NPAS3: variants seen among roughly 807,000 people sequenced by gnomAD.
NPAS3 encodes neuronal PAS domain protein 3.
Under a neutral mutation model 73.1 loss-of-function variants are expected in NPAS3, and 14 were observed. That is an observed-to-expected ratio of 0.19 (90% CI 0.13 to 0.30). NPAS3 has a LOEUF of 0.30. Among genes scored for constraint, NPAS3 ranks in the 10% least tolerant of loss-of-function variants. The pLI is 1.00. For synonymous variants in NPAS3, 620 were observed against 541.5 expected, an observed-to-expected ratio of 1.14 and a Z score of -2.01; for missense variants, 1,096 against 1,250.0, an observed-to-expected ratio of 0.88 and a Z score of 1.86.
intron 1 of NPAS3, among the ~76,000 whole-genome samples, chr14:33,046,728 C>T (rs147158679): frequency 6.6e-6 from 1 of 152,322 alleles, no homozygotes. Flanking sequence ...GTAATACCAA[C>T]ACTTTGAGAG....
At chr14:33,111,281 C>T (rs1306026368) in intron 2 of NPAS3, among the ~76,000 whole-genome samples, 3 of 152,144 alleles carry the variant, frequency 2.0e-5, no homozygotes, top group African/African-American at 4.8e-5. Context: ...CTCACTGGGC[C>T]CAGAGGCAGT....
At chr14:33,735,552 C>A (rs2061502475) in intron 7 of NPAS3, among the ~76,000 whole-genome samples, 1 of 152,222 alleles carries the variant, frequency 6.6e-6, no homozygotes, top group African/African-American at 2.4e-5. Flanking sequence ...AATATAGTGT[C>A]TTTTCTTAAC....
intron 2 of NPAS3, among the ~76,000 whole-genome samples, chr14:33,064,831 T>C (rs1414939453): frequency 6.6e-6 from 1 of 152,196 alleles, no homozygotes; most frequent in Non-Finnish European, 1.5e-5. Flanking sequence ...TGAATAACAC[T>C]TTTTATAGAT....
intron 4 of NPAS3, among the ~76,000 whole-genome samples, chr14:33,481,230 G>A (rs572247508): frequency 6.6e-6 from 1 of 152,214 alleles, no homozygotes; most frequent in South Asian, 2.1e-4. Flanking sequence ...TGAATTATAA[G>A]GGGTAACATC....
At chr14:32,973,600 A>G (rs2037530015) in intron 1 of NPAS3, among the ~76,000 whole-genome samples, 1 of 142,492 alleles carries the variant, frequency 7.0e-6, no homozygotes, top group Non-Finnish European at 1.5e-5. Context: ...CAATGATGCT[A>G]TCTTGGCTCA....
intron 3 of NPAS3, among the ~76,000 whole-genome samples, chr14:33,293,731 A>C (rs1050184969): frequency 6.6e-6 from 1 of 152,226 alleles, no homozygotes; most frequent in Non-Finnish European, 1.5e-5. Context: ...ACAAAATTCC[A>C]AAAACTACAG....
intron 4 of NPAS3, among the ~76,000 whole-genome samples, chr14:33,449,499 G>T (rs1488592928): frequency 6.6e-6 from 1 of 151,914 alleles, no homozygotes; most frequent in South Asian, 2.1e-4. Context: ...TACAGAAAGC[G>T]TTTTTTTGAC....
chr14:33,221,252 G>T (rs954967466), intron 3 of NPAS3, among the ~76,000 whole-genome samples: 1 of 152,156 alleles, frequency 6.6e-6, no homozygotes, highest in African/African-American at 2.4e-5. Context: ...AACTGTCATG[G>T]TGTCATTTCT....
intron 7 of NPAS3, among the ~76,000 whole-genome samples, chr14:33,746,502 CTT>C (rs559179003): frequency 2.1e-5 from 3 of 140,200 alleles, no homozygotes; most frequent in Non-Finnish European, 1.6e-5. Flanking sequence ...CTGACTCATT[CTT>C]TTTTTTTTTT....
chr14:33,249,337 C>T (rs1196618983), intron 3 of NPAS3, among the ~76,000 whole-genome samples: 1 of 101,406 alleles, frequency 9.9e-6, no homozygotes, highest in African/African-American at 4.0e-5. Context: ...ATTTTAATTC[C>T]CGTCCCCCCC....
chr14:33,607,487 A>G (rs1331579302), intron 5 of NPAS3, among the ~76,000 whole-genome samples: 2 of 152,064 alleles, frequency 1.3e-5, no homozygotes, highest in African/African-American at 4.8e-5. Context: ...AAATAGATTC[A>G]GTAGTTGTCT....
chr14:33,667,739 T>C (rs1339190742), intron 5 of NPAS3, among the ~76,000 whole-genome samples: 1 of 152,122 alleles, frequency 6.6e-6, no homozygotes, highest in Non-Finnish European at 1.5e-5. Context: ...ACCATGGCCA[T>C]GGTGCACACA....
chr14:33,796,947 G>A (rs1195107678), intron 10 of NPAS3, among the ~76,000 whole-genome samples: 1 of 152,162 alleles, frequency 6.6e-6, no homozygotes, highest in Non-Finnish European at 1.5e-5. Context: ...GCATCCCAAG[G>A]TGCACCTGTG....
chr14:33,793,452 C>A (rs2063422480), intron 9 of NPAS3, among the ~76,000 whole-genome samples: 1 of 152,184 alleles, frequency 6.6e-6, no homozygotes, highest in African/African-American at 2.4e-5. Flanking sequence ...GAGAAACGAT[C>A]AAAGACGAGG....
intron 4 of NPAS3, among the ~76,000 whole-genome samples, chr14:33,400,816 G>A (rs1340854039): frequency 6.6e-6 from 1 of 151,982 alleles, no homozygotes; most frequent in Non-Finnish European, 1.5e-5. Flanking sequence ...TTGATGGTGT[G>A]TGTATGTGTG....
At chr14:33,625,687 T>G (rs1278073761) in intron 5 of NPAS3, among the ~76,000 whole-genome samples, 1 of 152,204 alleles carries the variant, frequency 6.6e-6, no homozygotes, top group African/African-American at 2.4e-5. Context: ...ATTTTGAAAT[T>G]TCCTCTGATT....
At chr14:33,435,086 G>A (rs183546290) in intron 4 of NPAS3, among the ~76,000 whole-genome samples, 29 of 152,182 alleles carry the variant, frequency 1.9e-4, no homozygotes, top group African/African-American at 2.6e-4. Context: ...AAAGTTATGC[G>A]TCCAATGTGA....
chr14:33,014,459 T>C (rs565386654), intron 1 of NPAS3, among the ~76,000 whole-genome samples: 3 of 152,292 alleles, frequency 2.0e-5, no homozygotes, highest in Admixed American at 2.0e-4. Context: ...TAAAATATTA[T>C]ACCATTCATT....
At chr14:33,111,993 A>G (rs1197214662) in intron 2 of NPAS3, among the ~76,000 whole-genome samples, 2 of 152,258 alleles carry the variant, frequency 1.3e-5, no homozygotes, top group African/African-American at 2.4e-5. Context: ...TACAAAGGAC[A>G]TGGACTCATC....
Sources: gnomAD v4.1 joint callset for allele counts (sites outside exome capture counted in the v4.1 genomes callset) on GRCh38, gnomAD v4.1.1 for gene constraint, MANE v1.5 for transcripts, NCBI Gene and HGNC (gene_info 2026-07-23, HGNC 2026-07-21) for gene names.